The following SLC4A10 variants were observed in gnomAD, a reference collection of about 807,000 sequenced individuals.
The protein encoded by SLC4A10 is sodium-driven chloride bicarbonate exchanger.
Under a neutral mutation model 137.7 loss-of-function variants are expected in SLC4A10, and 42 were observed. The ratio of observed to expected loss-of-function variants is 0.30; its 90% CI spans 0.24 to 0.39. The LOEUF is 0.39. Ranked by LOEUF, SLC4A10 falls within the 10% of genes least tolerant of loss-of-function variation. SLC4A10 has a pLI of 1.00. For missense variants in SLC4A10, 925 were observed against 1,355.0 expected (o/e 0.68, Z 4.98); for synonymous variants, 474 against 464.1 (o/e 1.02, Z -0.27).
intron 12 of SLC4A10, among the ~76,000 whole-genome samples, chr2:161,902,920 C>T (rs938343463): frequency 7.2e-5 from 11 of 152,074 alleles, no homozygotes; most frequent in African/African-American, 2.7e-4. Flanking sequence ...CAAGTATACT[C>T]AGCATGCTGG....
intron 1 of SLC4A10, among the ~76,000 whole-genome samples, chr2:161,633,288 A>G (rs1398653112): frequency 6.6e-6 from 1 of 151,794 alleles, no homozygotes; most frequent in Admixed American, 6.6e-5. Flanking sequence ...TGTTGCCTCA[A>G]TCGGTGGCTG....
chr2:161,796,216 A>G (rs139382914), intron 2 of SLC4A10, among the ~76,000 whole-genome samples: 2 of 152,258 alleles, frequency 1.3e-5, no homozygotes, highest in East Asian at 3.9e-4. Flanking sequence ...CTGTGTCACA[A>G]TCCATTTCCA....
At chr2:161,665,287 G>A (rs2038916460) in intron 1 of SLC4A10, among the ~76,000 whole-genome samples, 1 of 151,764 alleles carries the variant, frequency 6.6e-6, no homozygotes, top group Admixed American at 6.6e-5. Context: ...CTGAGAGGCT[G>A]TGTAGTGTAA....
At chr2:161,721,828 G>A (rs184222694) in intron 1 of SLC4A10, among the ~76,000 whole-genome samples, 12 of 152,258 alleles carry the variant, frequency 7.9e-5, no homozygotes, top group South Asian at 4.1e-4. Flanking sequence ...ACCCCAATCC[G>A]TCATAGTTTG....
chr2:161,729,512 G>T (rs193177464), intron 1 of SLC4A10, among the ~76,000 whole-genome samples: 2 of 151,800 alleles, frequency 1.3e-5, no homozygotes, highest in African/African-American at 4.8e-5. Context: ...ATACACAAAA[G>T]TTTTTTTTAA....
intron 1 of SLC4A10, among the ~76,000 whole-genome samples, chr2:161,624,952 C>T (rs962501687): frequency 1.3e-5 from 2 of 151,972 alleles, no homozygotes; most frequent in Non-Finnish European, 2.9e-5. Flanking sequence ...TGTTTAATCC[C>T]TATCGAATTT....
intron 1 of SLC4A10, 35 bp downstream of exon 1, chr2:161,624,601 C>G (rs1164971371): frequency 6.4e-7 from 1 of 1,551,310 alleles, no homozygotes; most frequent in Non-Finnish European, 8.7e-7. Context: ...AGATTAACCG[C>G]GTTTGCTGCA....
At chr2:161,808,754 T>C (rs1487630808) in intron 3 of SLC4A10, among the ~76,000 whole-genome samples, 3 of 152,184 alleles carry the variant, frequency 2.0e-5, no homozygotes, top group Non-Finnish European at 2.9e-5. Context: ...GATGTCATTC[T>C]TTTTATGGCC....
chr2:161,865,483 A>G (rs2060685076), intron 6 of SLC4A10, among the ~76,000 whole-genome samples: 1 of 152,084 alleles, frequency 6.6e-6, no homozygotes, highest in Admixed American at 6.5e-5. Context: ...TAAGGGCAAT[A>G]AAAACTTGGA....
chr2:161,750,972 T>C (rs1423306222), intron 1 of SLC4A10, among the ~76,000 whole-genome samples: 1 of 151,762 alleles, frequency 6.6e-6, no homozygotes, highest in African/African-American at 2.4e-5. Flanking sequence ...TACAACTTTC[T>C]GTGTACCTAG....
At position 161,719,513 on chromosome 2, in the gene SLC4A10, C is replaced by A. The variant is rs570206440; in HGVS notation, c.49-51460C>A. Among the ~76,000 whole-genome samples, 13 of 152,250 alleles carry A rather than the reference C, an allele frequency of 8.5e-5. No homozygotes were observed. The East Asian group carries it at 2.3e-3, about 27-fold the overall frequency. On this transcript the variant is annotated intron_variant, in intron 1 of 26. Transcript: ENST00000446997. ...CAATGGTTGAACTAGTTTACAGTCC[C>A]ACCAACAGTGTAAAAGTGTTCCTAT...
At chr2:161,771,287 A>T (rs999436460) in intron 2 of SLC4A10, among the ~76,000 whole-genome samples, 2 of 151,882 alleles carry the variant, frequency 1.3e-5, no homozygotes, top group Non-Finnish European at 2.9e-5. Flanking sequence ...TCCCTACTGT[A>T]TTCCAAGCAC....
At chr2:161,724,940 TTA>T (rs1260427945) in intron 1 of SLC4A10, among the ~76,000 whole-genome samples, 1 of 152,146 alleles carries the variant, frequency 6.6e-6, no homozygotes, top group Non-Finnish European at 1.5e-5. Context: ...TTATTCTTTC[TTA>T]ACTGTGAACT....
intron 23 of SLC4A10, among the ~76,000 whole-genome samples, chr2:161,969,460 G>A (rs1260394360): frequency 1.3e-5 from 2 of 152,190 alleles, no homozygotes; most frequent in Non-Finnish European, 2.9e-5. Flanking sequence ...AATTCTGGAT[G>A]TCCAAATGTG....
At chr2:161,706,667 A>C (rs915657390) in intron 1 of SLC4A10, among the ~76,000 whole-genome samples, 2 of 151,382 alleles carry the variant, frequency 1.3e-5, no homozygotes, top group African/African-American at 2.4e-5. Flanking sequence ...TAAAGCTCAC[A>C]CTCTTTAAAT....
intron 4 of SLC4A10, among the ~76,000 whole-genome samples, chr2:161,849,672 T>G (rs1046040052): frequency 9.8e-5 from 15 of 152,288 alleles, no homozygotes; most frequent in African/African-American, 3.4e-4. Context: ...GTGGTTTTTG[T>G]TTTTAGTTCT....
chr2:161,755,842 C>T (rs1250927232), intron 1 of SLC4A10, among the ~76,000 whole-genome samples: 1 of 151,048 alleles, frequency 6.6e-6, no homozygotes, highest in Admixed American at 6.6e-5. Flanking sequence ...GCAATCTCGG[C>T]TCACTGCAAC....
intron 1 of SLC4A10, among the ~76,000 whole-genome samples, chr2:161,650,518 C>G (rs1490255795): frequency 2.6e-5 from 4 of 151,710 alleles, no homozygotes; most frequent in Non-Finnish European, 5.9e-5. Flanking sequence ...CCCCATGTTT[C>G]TGTGTGCAGC....
intron 1 of SLC4A10, among the ~76,000 whole-genome samples, chr2:161,636,104 A>G (rs1172392468): frequency 6.6e-6 from 1 of 152,084 alleles, no homozygotes; most frequent in Non-Finnish European, 1.5e-5. Context: ...GCTTCTAGAT[A>G]CTCATCAGAC....
Sources: allele counts gnomAD v4.1 joint callset (sites outside exome capture counted in the v4.1 genomes callset), GRCh38; gene constraint gnomAD v4.1.1; transcripts MANE v1.5; gene names NCBI Gene and HGNC (gene_info 2026-07-23, HGNC 2026-07-21).